CFHR5: variants seen among roughly 807,000 people sequenced by gnomAD.
CFHR5 encodes the protein complement factor H-related protein 5.
A neutral mutation model predicts 62.9 loss-of-function variants in CFHR5; 73 were observed. That is an observed-to-expected ratio of 1.16 (90% CI 0.96 to 1.41). The LOEUF is 1.41. Ranked by LOEUF, CFHR5 falls within the 40% of genes most tolerant of loss-of-function variation. The pLI is 0.00. For synonymous variants in CFHR5, 249 were observed against 227.2 expected, an observed-to-expected ratio of 1.10 and a Z score of -0.86; for missense variants, 779 against 679.9, an observed-to-expected ratio of 1.15 and a Z score of -1.62.
rs1047274906 is a variant in CFHR5, at chr1:197,004,751, T to A, written c.1421T>A (p.Val474Glu). 3 of 1,613,366 alleles carry A rather than the reference T, an allele frequency of 1.9e-6. No individual in the cohort carries two copies. The African/African-American group carries it at 4.0e-5, about 22-fold the overall frequency. The part of the protein sequence containing the change: ...PLSVYPPGST[V>E]TYRCQSFYKL... ...TCAGTATATCCTCCAGGGTCAACAG[T>A]GACGTACCGTTGCCAGTCCTTCTAT... The change falls in exon 9 of 10, where the codon GTG becomes GAG. Residue 474 changes from valine (V) to glutamate (E), a missense_variant. By Grantham distance (121) the Val-to-Glu change is moderately radical (BLOSUM62 -2). Transcript: ENST00000256785.
At position 196,995,826 on chromosome 1, in the gene CFHR5, T is replaced by G. The variant is rs111360300; in HGVS notation, c.717T>G (p.Pro239=). The part of the protein sequence containing the change: ...HNEVVEYDCN[P]NFIINGPKKI... ...AAGTAGTGGAATATGATTGCAATCCTAATTTTATAATAAACGGGCCTAAGA... is the reference window on the plus strand; with the variant it reads ...AAGTAGTGGAATATGATTGCAATCCGAATTTTATAATAAACGGGCCTAAGA... Residue 239 remains proline, a synonymous_variant, in exon 5 of 10, where the codon CCT becomes CCG. Coordinates refer to ENST00000256785, the MANE Select transcript of CFHR5 (RefSeq NM_030787.4). 6.2e-7 allele frequency: 1 copy of G among 1,613,208 alleles called. No homozygotes were observed. Among genetic ancestry groups the G allele is most frequent in the East Asian group, 2.2e-5 (1 of 44,838 alleles).
intron 7 of CFHR5, 80 bp from the exon 8 acceptor site, chr1:197,002,402 A>T: frequency 9.8e-7 from 1 of 1,019,196 alleles, no homozygotes; most frequent in Non-Finnish European, 1.5e-6. Flanking sequence ...TGAATCTTCC[A>T]TTTTCCTGAA....
At chr1:196,982,644 T>C (rs1653570912) in intron 1 of CFHR5, among the ~76,000 whole-genome samples, 2 of 151,612 alleles carry the variant, frequency 1.3e-5, no homozygotes, top group African/African-American at 4.9e-5. Context: ...TACTTCAGCC[T>C]GGGCAACAAG....
At chr1:196,986,983 C>A (rs566104662) in intron 3 of CFHR5, among the ~76,000 whole-genome samples, 1 of 152,198 alleles carries the variant, frequency 6.6e-6, no homozygotes, top group Non-Finnish European at 1.5e-5. Context: ...ACACTCCCAA[C>A]AACAGTGTAA....
At chr1:197,002,369 G>GAGAC in intron 7 of CFHR5, 113 bp from the exon 8 acceptor site, 1 of 703,172 alleles carries the variant, frequency 1.4e-6, no homozygotes, top group Non-Finnish European at 2.5e-6. Context: ...AAGTGATAGA[G>GAGAC]AGACATAGTG....
chr1:196,990,737 T>G (rs1350089066), intron 3 of CFHR5, among the ~76,000 whole-genome samples: 3 of 152,172 alleles, frequency 2.0e-5, no homozygotes, highest in Admixed American at 1.3e-4. Context: ...TGCCGAGAGA[T>G]CCACTATTAG....
At chr1:196,997,782 T>C (rs181189546) in intron 6 of CFHR5, among the ~76,000 whole-genome samples, 73 of 152,294 alleles carry the variant, frequency 4.8e-4, no homozygotes, top group African/African-American at 1.7e-3. Context: ...ATATTTAAGA[T>C]AGTTTAGTGC....
At position 197,002,566 on chromosome 1, in the gene CFHR5, A is replaced by G; in HGVS notation, c.1232A>G (p.Glu411Gly). The G allele has an allele frequency of 6.2e-7, 1 of 1,613,444 alleles. No individual in the cohort carries two copies. Among genetic ancestry groups the G allele is most frequent in the East Asian group, 2.2e-5 (1 of 44,812 alleles). Residue 411 changes from glutamate (E) to glycine (G), a missense_variant, in exon 8 of 10, where the codon GAA becomes GGA. Glu to Gly is a moderately conservative substitution (Grantham distance 98, BLOSUM62 -2). Coordinates refer to ENST00000256785, the MANE Select transcript of CFHR5 (RefSeq NM_030787.4). ...MTTTVNYQDGEKVAVLCKENY... is the reference protein window; with the variant it reads ...MTTTVNYQDGGKVAVLCKENY... ...ACCACAGTGAATTATCAGGATGGAG[A>G]AAAAGTAGCTGTTCTCTGTAAAGAA...
rs1228661165 is a variant in CFHR5, at chr1:197,004,834, A to T, written c.1504A>T (p.Arg502Ter). Reference sequence around the variant, plus strand: ...AAATAAACAGTGGTCAGAACCACCAAGATGCCTAGGTGAGTTCTTAATATT... The same window carrying T: ...AAATAAACAGTGGTCAGAACCACCATGATGCCTAGGTGAGTTCTTAATATT... The part of the protein sequence containing the change: ...CRNKQWSEPP[R>*]CLDPCVVSEE... The change falls in exon 9 of 10, where the codon AGA becomes TGA. Residue 502 changes from arginine (R) to a stop codon, truncating the protein, a stop_gained. Coordinates refer to ENST00000256785, the MANE Select transcript of CFHR5 (RefSeq NM_030787.4). LOFTEE classifies it low-confidence loss of function (END_TRUNC). 3.1e-6 allele frequency: 5 copies of T among 1,611,626 alleles called. No homozygotes were observed. Among genetic ancestry groups the T allele is most frequent in the African/African-American group, 1.3e-5 (1 of 74,950 alleles).
chr1:196,994,923 A>T (rs1453966949), intron 4 of CFHR5, among the ~76,000 whole-genome samples: 1 of 152,110 alleles, frequency 6.6e-6, no homozygotes, highest in Non-Finnish European at 1.5e-5. Flanking sequence ...AGCTCGTGAG[A>T]CTTATTCACT....
intron 3 of CFHR5, among the ~76,000 whole-genome samples, chr1:196,991,776 C>A (rs759060222): frequency 2.0e-5 from 3 of 152,146 alleles, no homozygotes; most frequent in Non-Finnish European, 4.4e-5. Flanking sequence ...CAGCGGGGCA[C>A]CCACCTGTAT....
chr1:196,997,022 C>G (rs1227918034), intron 6 of CFHR5, among the ~76,000 whole-genome samples: 1 of 152,016 alleles, frequency 6.6e-6, no homozygotes, highest in Non-Finnish European at 1.5e-5. Flanking sequence ...TGTCCTATCT[C>G]TAGCAACCTC....
At chr1:196,992,424 A>G (rs1430957975) in intron 3 of CFHR5, among the ~76,000 whole-genome samples, 2 of 152,140 alleles carry the variant, frequency 1.3e-5, no homozygotes, top group Non-Finnish European at 2.9e-5. Flanking sequence ...TTCCAGGTAC[A>G]GTCTGTCAGG....
chr1:196,992,650 C>CATCTTGGA (rs1246635694), intron 3 of CFHR5, among the ~76,000 whole-genome samples: 1 of 152,128 alleles, frequency 6.6e-6, no homozygotes, highest in Non-Finnish European at 1.5e-5. Flanking sequence ...CCTATTCGGC[C>CATCTTGGA]ATCTTGGAAC....
At chr1:196,983,191 G>A in intron 2 of CFHR5, 112 bp downstream of exon 2, 1 of 1,397,686 alleles carries the variant, frequency 7.2e-7, no homozygotes, top group Admixed American at 1.8e-5. Flanking sequence ...AGAGGAGCTG[G>A]AAAAATGGGA....
rs141321678 is a variant in CFHR5 at position 197,008,514 on chromosome 1, T to C, written c.1541T>C (p.Met514Thr). 3.7e-6 allele frequency: 6 copies of C among 1,609,672 alleles called. No individual in the cohort carries two copies. The African/African-American group carries it at 5.3e-5, about 14-fold the overall frequency. ...LDPCVVSEENMNKNNIQLKWR... is the reference protein window; with the variant it reads ...LDPCVVSEENTNKNNIQLKWR... ...CCATGTGTGGTATCTGAAGAAAACA[T>C]GAACAAAAATAACATACAGTTAAAA... The change falls in exon 10 of 10, where the codon ATG (methionine) becomes ACG (threonine). Residue 514 changes from methionine to threonine, a missense_variant. Transcript: ENST00000256785.
In CFHR5 at chr1:196,995,756, A is replaced by G. The variant is rs147488267; in HGVS notation, c.647A>G (p.Asn216Ser). ...TGTGGTCCACCTCCTCAACTCTCCA[A>G]TGGTGAAGTTAAGGAGATAAGAAAA... The part of the protein sequence containing the change: ...RSCGPPPQLS[N>S]GEVKEIRKEE... The change falls in exon 5 of 10, where the codon AAT (asparagine) becomes AGT (serine). Residue 216 changes from asparagine (N) to serine (S), a missense_variant. Coordinates refer to ENST00000256785, the MANE Select transcript of CFHR5 (RefSeq NM_030787.4). The G allele has an allele frequency of 5.1e-5, 83 of 1,613,260 alleles. 1 individual carries two copies. The highest frequency in any genetic ancestry group is 4.0e-4 in the South Asian group (36 of 91,068).
At chr1:196,975,976 GGAAGA>G (rs1023045148), upstream of CFHR5, among the ~76,000 whole-genome samples, 21 of 152,086 alleles carry the variant, frequency 1.4e-4, no homozygotes, top group African/African-American at 4.3e-4. Context: ...GAAAATGAAG[GGAAGA>G]GAATAGTGAA....
rs1368162248 is a variant in CFHR5 at position 196,977,592 on chromosome 1, A to C, written c.-73A>C. ...ATTCAAAGTCATGCTTGTAACTGTT[A>C]ATGAAAGCAGATTTAAAGCAACACC... On this transcript the variant is annotated 5_prime_UTR_variant, in exon 1 of 10. Coordinates refer to ENST00000256785, the MANE Select transcript of CFHR5 (RefSeq NM_030787.4). 8.4e-7 allele frequency: 1 copy of C among 1,183,874 alleles called. No homozygotes were observed. Among genetic ancestry groups the C allele is most frequent in the South Asian group, 1.2e-5 (1 of 82,198 alleles). The allele number at this position is 1,183,874 out of a possible 1,614,324, so 73.3% of individuals were successfully genotyped here. A position where few individuals can be genotyped will look rare whatever the true frequency, so the allele number is the denominator to read the frequency against.
Sources: gnomAD v4.1 joint callset for allele counts (sites outside exome capture counted in the v4.1 genomes callset) on GRCh38, gnomAD v4.1.1 for gene constraint, MANE v1.5 for transcripts, NCBI Gene and HGNC (gene_info 2026-07-23, HGNC 2026-07-21) for gene names.